Variants in PGAP3 observed in about 807,000 individuals in gnomAD.
The protein encoded by PGAP3 is GPI-specific phospholipase A2-like PGAP3.
Under a neutral mutation model 40.3 loss-of-function variants are expected in PGAP3, and 31 were observed. The ratio of observed to expected loss-of-function variants is 0.77; its 90% CI spans 0.58 to 1.04. The LOEUF (loss-of-function observed/expected upper bound fraction) is 1.04. PGAP3 is among the 50% of genes least tolerant of loss of function. PGAP3 has a pLI of 0.00. For synonymous variants in PGAP3, 191 were observed against 184.5 expected, an observed-to-expected ratio of 1.04 and a Z score of -0.29; for missense variants, 413 against 423.0, an observed-to-expected ratio of 0.98 and a Z score of 0.21.
chr17:39,673,136 G>A lies in PGAP3; in HGVS notation c.814C>T (p.Leu272Phe), dbSNP rs1276348590. Reference sequence around the variant, plus strand: ...ACCCAGAAGAGCGGTGGGAAGTCAAGCAGCTCGAGCAGGGACAGCCCCTGC... The same window carrying A: ...ACCCAGAAGAGCGGTGGGAAGTCAAACAGCTCGAGCAGGGACAGCCCCTGC... ...LLQGLSLLEL[L>F]DFPPLFWVLD... The change falls in exon 7 of 8, where the codon CTT becomes TTT. Residue 272 changes from leucine to phenylalanine, a missense_variant. Transcript: ENST00000300658. 6.2e-7 allele frequency: 1 copy of A among 1,603,950 alleles called. No individual in the cohort carries two copies. The highest frequency in any genetic ancestry group is 1.3e-5 in the African/African-American group (1 of 74,846).
chr17:39,687,985 C>T lies in PGAP3; in HGVS notation c.30G>A (p.Leu10=), dbSNP rs1030058305. The T allele has an allele frequency of 2.1e-6, 3 of 1,439,880 alleles. No individual in the cohort carries two copies. Among genetic ancestry groups the T allele is most frequent in the East Asian group, 2.8e-5 (1 of 36,010 alleles). 89.2% of individuals were successfully genotyped at this position (1,439,880 alleles called of 1,614,324 possible). ...TCGCCAGCGCCGCTGCCCCAGCTAG[C>T]AGGACCAACCGCGCCGCCAGGCCGG... MAGLAARLV[L]LAGAAALASG... The change falls in exon 1 of 8, where the codon CTG becomes CTA. Residue 10 remains leucine (L), a synonymous_variant. Transcript: ENST00000300658.
At chr17:39,683,107 C>T (rs916617649) in intron 3 of PGAP3, among the ~76,000 whole-genome samples, 2 of 150,610 alleles carry the variant, frequency 1.3e-5, no homozygotes, top group African/African-American at 4.9e-5. Context: ...AATAAAATCC[C>T]TCCGTACTTC....
At chr17:39,672,960 C>T (rs967364149) in intron 7 of PGAP3, 91 bp downstream of exon 7, 9 of 1,573,144 alleles carry the variant, frequency 5.7e-6, no homozygotes, top group East Asian at 2.3e-5. Context: ...TGGGAGGGGG[C>T]GGATGGGCAC....
At chr17:39,685,605 C>T (rs1004880264) in intron 2 of PGAP3, among the ~76,000 whole-genome samples, 15 of 152,138 alleles carry the variant, frequency 9.9e-5, no homozygotes, top group East Asian at 3.9e-4. Flanking sequence ...GGAGAAGCAA[C>T]AGGAAACAAG....
rs369922079 is a variant in PGAP3, at chr17:39,673,204, C to T, written c.746G>A (p.Arg249Gln). The change falls in exon 7 of 8, where the codon CGG (arginine) becomes CAG (glutamine). Residue 249 changes from arginine (R) to glutamine (Q), a missense_variant. Transcript: ENST00000300658. ...WLAWCLWNQR[R>Q]LPHVRKCVVV... ...CACGCACTTGCGCACGTGAGGCAGCCGCCGCTGGTTCCACAGGCACCAGGC... is the reference window on the plus strand; with the variant it reads ...CACGCACTTGCGCACGTGAGGCAGCTGCCGCTGGTTCCACAGGCACCAGGC... 37 of 1,569,344 alleles carry T rather than the reference C, an allele frequency of 2.4e-5. No homozygotes were observed. Among genetic ancestry groups the T allele is most frequent in the East Asian group, 4.7e-5 (2 of 42,314 alleles).
In PGAP3 at chr17:39,682,072, A is replaced by C. The variant is rs552710649; in HGVS notation, c.432+2525T>G. 8.6e-5 allele frequency among the ~76,000 whole-genome samples: 13 copies of C among 151,012 alleles called. 1 individual carries two copies. Among genetic ancestry groups the C allele is most frequent in the South Asian group, 4.3e-4 (2 of 4,698 alleles). ...CATCTCTACTAAAAATACACACACA[A>C]AAAATTAGCCAGGTGTGGTGGTGGG... On this transcript the variant is annotated intron_variant, in intron 3 of 7. Transcript: ENST00000300658.
chr17:39,676,237 G>C (rs891082517), intron 3 of PGAP3, among the ~76,000 whole-genome samples: 45 of 152,176 alleles, frequency 3.0e-4, no homozygotes, highest in Admixed American at 5.2e-4. Flanking sequence ...ACATGGACCA[G>C]TTCTCCCTGG....
At chr17:39,685,831 C>A in intron 2 of PGAP3, 91 bp downstream of exon 2, 6 of 1,184,866 alleles carry the variant, frequency 5.1e-6, no homozygotes, top group Non-Finnish European at 4.9e-6. Context: ...TTACCCCATG[C>A]CTCAGACTGC....
intron 3 of PGAP3, among the ~76,000 whole-genome samples, chr17:39,677,268 G>A (rs1449549448): frequency 1.3e-5 from 2 of 152,180 alleles, no homozygotes; most frequent in African/African-American, 4.8e-5. Context: ...GCCCATCAAT[G>A]TCAGTTTCCT....
At chr17:39,676,839 G>A (rs1327463518) in intron 3 of PGAP3, 4 of 152,324 alleles carry the variant, frequency 2.6e-5, no homozygotes, top group African/African-American at 9.7e-5. Flanking sequence ...AGGACAGGCT[G>A]AAACATGAGT....
At chr17:39,677,183 G>A (rs570424346) in intron 3 of PGAP3, among the ~76,000 whole-genome samples, 7 of 152,192 alleles carry the variant, frequency 4.6e-5, no homozygotes, top group Non-Finnish European at 8.8e-5. Context: ...CCATGAGGAC[G>A]AGGTCTGCGG....
Position 39,674,039 on chromosome 17 carries a change from A to T in PGAP3, c.511T>A (p.Cys171Ser). 1 of 1,614,032 alleles carries T rather than the reference A, an allele frequency of 6.2e-7. No individual in the cohort carries two copies. Among genetic ancestry groups the T allele is most frequent in the Non-Finnish European group, 8.5e-7 (1 of 1,179,930 alleles). The change falls in exon 5 of 8, where the codon TGT becomes AGT. Residue 171 changes from cysteine to serine, a missense_variant. Transcript: ENST00000300658. ...GAGTGTAGGATGACAGTGGAGGCACAGAAGTAGTCCATTTTCTGAGGACAG... is the reference window on the plus strand; with the variant it reads ...GAGTGTAGGATGACAGTGGAGGCACTGAAGTAGTCCATTTTCTGAGGACAG... ...TDLTEKMDYF[C>S]ASTVILHSIY...
chr17:39,686,540 G>A (rs935192579), intron 1 of PGAP3, among the ~76,000 whole-genome samples: 2 of 146,504 alleles, frequency 1.4e-5, no homozygotes, highest in Non-Finnish European at 3.0e-5. Flanking sequence ...GCAGGCACGA[G>A]CCACCGCACC....
In PGAP3 at chr17:39,673,653, GC is replaced by G; in HGVS notation, c.558-4del. On this transcript the variant is annotated splice_polypyrimidine_tract_variant and splice_region_variant and intron_variant, in intron 5 of 7. Transcript: ENST00000300658. ...CTGGGTGCTGCAGCCCCACGGTCCT[GC>G]CCCACCGTCCAGGGTTGCTCAGAGG... 6.2e-7 allele frequency: 1 copy of G among 1,613,792 alleles called. No homozygotes were observed. The highest frequency in any genetic ancestry group is 8.5e-7 in the Non-Finnish European group (1 of 1,179,956).
intron 1 of PGAP3, 21 bp downstream of exon 1, chr17:39,687,813 T>C: frequency 7.3e-7 from 1 of 1,376,270 alleles, no homozygotes. Flanking sequence ...GGGCGGGGCT[T>C]ACCGTGGGGG....
Position 39,674,697 on chromosome 17 carries a change from G to A in PGAP3, c.433-18C>T, listed in dbSNP as rs1429065580. On this transcript the variant is annotated intron_variant, in intron 3 of 7. Coordinates refer to ENST00000300658, the MANE Select transcript of PGAP3 (RefSeq NM_033419.5). Reference sequence around the variant, plus strand: ...AGGGACACCTAAGGAGGGAGGGGCTGGTGAGCATGCTGCCCCCCACCCTGA... The same window carrying A: ...AGGGACACCTAAGGAGGGAGGGGCTAGTGAGCATGCTGCCCCCCACCCTGA... The A allele has an allele frequency of 6.5e-7, 1 of 1,547,902 alleles. No individual in the cohort carries two copies. The highest frequency in any genetic ancestry group is 1.4e-5 in the African/African-American group (1 of 73,056).
In PGAP3 at chr17:39,687,897, TCTG is replaced by T. The variant is rs1283196730; in HGVS notation, c.115_117del (p.Gln39del). ...TGATTCAGAGCGCCCCCAGAGCAGT[TCTG>T]CTCTTCGCACTGCAGTACGCAGTCG... On this transcript the variant is annotated inframe_deletion, in exon 1 of 8. Coordinates refer to ENST00000300658, the MANE Select transcript of PGAP3 (RefSeq NM_033419.5). The T allele has an allele frequency of 1.3e-6, 2 of 1,516,614 alleles. No individual in the cohort carries two copies. Among genetic ancestry groups the T allele is most frequent in the South Asian group, 2.5e-5 (2 of 81,114 alleles). The allele number at this position is 1,516,614 out of a possible 1,614,324, so 93.9% of individuals were successfully genotyped here.
intron 4 of PGAP3, 66 bp downstream of exon 4, chr17:39,674,551 C>T (rs1190402971): frequency 4.1e-6 from 6 of 1,480,788 alleles, no homozygotes; most frequent in African/African-American, 2.8e-5. Flanking sequence ...TCTAGAGCCC[C>T]TCTGCCCACT....
intron 3 of PGAP3, among the ~76,000 whole-genome samples, chr17:39,681,986 C>T (rs1398832456): frequency 6.6e-6 from 1 of 151,262 alleles, no homozygotes; most frequent in Non-Finnish European, 1.5e-5. Flanking sequence ...TTTGGGAGGC[C>T]GAGGCAGGCG....
Sources: allele counts gnomAD v4.1 joint callset (sites outside exome capture counted in the v4.1 genomes callset), GRCh38; gene constraint gnomAD v4.1.1; transcripts MANE v1.5; gene names NCBI Gene and HGNC (gene_info 2026-07-23, HGNC 2026-07-21).